The following ELMO1 variants were observed in gnomAD, a reference collection of about 807,000 sequenced individuals.
ELMO1 encodes engulfment and cell motility 1, also known as engulfment and cell motility protein 1.
Under a neutral mutation model 98.9 loss-of-function variants are expected in ELMO1, and 26 were observed. The observed-to-expected ratio is 0.26, with a 90% CI of 0.19 to 0.36. The LOEUF is 0.36. Ranked by LOEUF, ELMO1 falls within the 10% of genes least tolerant of loss-of-function variation. The pLI is 1.00. For missense variants in ELMO1, 627 were observed against 935.2 expected (o/e 0.67, Z 4.30); for synonymous variants, 346 against 346.0 (o/e 1.00, Z 0.00).
chr7:37,216,296 C>T (rs1793278045), intron 11 of ELMO1, among the ~76,000 whole-genome samples: 1 of 152,074 alleles, frequency 6.6e-6, no homozygotes, highest in Admixed American at 6.6e-5. Flanking sequence ...CAGCTAGCTT[C>T]CTCATTGAAA....
At chr7:37,195,904 T>C (rs192341051) in intron 13 of ELMO1, among the ~76,000 whole-genome samples, 4 of 152,156 alleles carry the variant, frequency 2.6e-5, no homozygotes, top group Non-Finnish European at 4.4e-5. Context: ...CACAGATAAA[T>C]ATATTAAAGG....
At chr7:37,267,007 C>A (rs1796275984) in intron 5 of ELMO1, among the ~76,000 whole-genome samples, 2 of 99,402 alleles carry the variant, frequency 2.0e-5, no homozygotes, top group South Asian at 3.8e-4. Context: ...AGCAAGACTC[C>A]ATCTAAAAAA....
chr7:36,973,521 G>A (rs532574030), intron 16 of ELMO1, among the ~76,000 whole-genome samples: 1 of 152,228 alleles, frequency 6.6e-6, no homozygotes, highest in South Asian at 2.1e-4. Flanking sequence ...GGATGGTCTT[G>A]AACTATGGAA....
intron 14 of ELMO1, among the ~76,000 whole-genome samples, chr7:37,127,131 A>G (rs1584688963): frequency 6.6e-6 from 1 of 152,144 alleles, no homozygotes; most frequent in Admixed American, 6.5e-5. Flanking sequence ...TACTTCTCCT[A>G]TCACTACTCT....
intron 4 of ELMO1, among the ~76,000 whole-genome samples, chr7:37,301,107 T>C (rs1015945710): frequency 6.6e-6 from 1 of 152,070 alleles, no homozygotes; most frequent in African/African-American, 2.4e-5. Flanking sequence ...GTGGGATCGG[T>C]GGTGATATCC....
At chr7:36,995,893 G>A (rs1244606455) in intron 16 of ELMO1, among the ~76,000 whole-genome samples, 1 of 152,120 alleles carries the variant, frequency 6.6e-6, no homozygotes. Flanking sequence ...TTGAGCCAAA[G>A]GATGATGAGC....
chr7:37,070,925 G>A (rs1797235294), intron 15 of ELMO1, among the ~76,000 whole-genome samples: 1 of 152,146 alleles, frequency 6.6e-6, no homozygotes, highest in Non-Finnish European at 1.5e-5. Context: ...TGAGATTAGT[G>A]GAGATTTATG....
chr7:37,128,561 A>G (rs1004578396), intron 14 of ELMO1, among the ~76,000 whole-genome samples: 1 of 152,202 alleles, frequency 6.6e-6, no homozygotes, highest in African/African-American at 2.4e-5. Flanking sequence ...TAATTCAGTT[A>G]CACCCACTGC....
intron 21 of ELMO1, among the ~76,000 whole-genome samples, chr7:36,857,655 G>C (rs1802311641): frequency 6.6e-6 from 1 of 152,140 alleles, no homozygotes; most frequent in Non-Finnish European, 1.5e-5. Flanking sequence ...TACTGAATTT[G>C]AGTTGGAACT....
intron 16 of ELMO1, among the ~76,000 whole-genome samples, chr7:36,973,226 G>A (rs1367298330): frequency 6.6e-6 from 1 of 152,192 alleles, no homozygotes; most frequent in Non-Finnish European, 1.5e-5. Context: ...CCATCCTACA[G>A]GTACATCAGG....
intron 1 of ELMO1, among the ~76,000 whole-genome samples, chr7:37,395,085 G>T (rs891374671): frequency 5.3e-5 from 8 of 152,088 alleles, no homozygotes; most frequent in African/African-American, 1.9e-4. Flanking sequence ...CTCATCCCAG[G>T]CTGGGTGCGG....
chr7:37,233,059 A>T (rs1319708115), intron 8 of ELMO1, 36 bp downstream of exon 8: 4 of 1,545,964 alleles, frequency 2.6e-6, no homozygotes, highest in Non-Finnish European at 2.7e-6. Flanking sequence ...GACAGAAGAC[A>T]GTAAGGAAAG....
At chr7:37,160,867 T>G (rs1337067436) in intron 13 of ELMO1, among the ~76,000 whole-genome samples, 3 of 151,920 alleles carry the variant, frequency 2.0e-5, no homozygotes, top group African/African-American at 7.3e-5. Context: ...GGAGCAGACA[T>G]AGGGGGCAGC....
intron 15 of ELMO1, among the ~76,000 whole-genome samples, chr7:37,027,974 G>A (rs764697422): frequency 1.6e-4 from 24 of 152,092 alleles, no homozygotes; most frequent in Non-Finnish European, 2.8e-4. Flanking sequence ...AATTAAGAGA[G>A]CAGCCTAGAA....
At chr7:37,398,266 C>A (rs1251249108) in intron 1 of ELMO1, among the ~76,000 whole-genome samples, 1 of 152,202 alleles carries the variant, frequency 6.6e-6, no homozygotes. Context: ...GCCTCCCTGA[C>A]ACATAACATG....
chr7:37,042,333 A>T (rs1795566942), intron 15 of ELMO1, among the ~76,000 whole-genome samples: 1 of 151,750 alleles, frequency 6.6e-6, no homozygotes, highest in Admixed American at 6.6e-5. Context: ...GTTTTTTTTT[A>T]AACCCAGTTT....
At chr7:37,307,408 CAT>C (rs938583897) in intron 4 of ELMO1, among the ~76,000 whole-genome samples, 14 of 152,156 alleles carry the variant, frequency 9.2e-5, no homozygotes, top group African/African-American at 3.4e-4. Context: ...TGAAGAAGGA[CAT>C]GTTTGCTTTC....
chr7:37,253,134 G>A (rs1562556274), intron 6 of ELMO1, among the ~76,000 whole-genome samples: 1 of 152,174 alleles, frequency 6.6e-6, no homozygotes, highest in East Asian at 1.9e-4. Flanking sequence ...TGGTGAGAGT[G>A]TAAATTAATT....
chr7:37,375,564 CT>C, intron 1 of ELMO1: 1 of 1,095,102 alleles, frequency 9.1e-7, no homozygotes, highest in African/African-American at 1.5e-5. Context: ...TTATAAACTC[CT>C]TTTTAAGGAG....
Sources: allele counts gnomAD v4.1 joint callset (sites outside exome capture counted in the v4.1 genomes callset), GRCh38; gene constraint gnomAD v4.1.1; transcripts MANE v1.5; gene names NCBI Gene and HGNC (gene_info 2026-07-23, HGNC 2026-07-21).